The following SLC2A1 variants were observed in gnomAD, a reference collection of about 807,000 sequenced individuals.
SLC2A1 encodes solute carrier family 2 member 1, also known as solute carrier family 2, facilitated glucose transporter member 1.
A neutral mutation model predicts 46.6 loss-of-function variants in SLC2A1; 4 were observed. That is an observed-to-expected ratio of 0.09 (90% CI 0.04 to 0.20). The LOEUF is 0.20. Ranked by LOEUF, SLC2A1 falls within the 10% of genes least tolerant of loss-of-function variation. The probability of loss-of-function intolerance (pLI) is 1.00; values close to 1 mark genes in which losing one functional copy is unlikely to be tolerated. For synonymous variants in SLC2A1, 253 were observed against 270.0 expected (o/e 0.94, Z 0.62); for missense variants, 352 against 667.0 (o/e 0.53, Z 5.20).
chr1:42,951,972 G>A (rs1159062759), intron 1 of SLC2A1: 2 of 405,304 alleles, frequency 4.9e-6, no homozygotes, highest in Non-Finnish European at 4.3e-6. Flanking sequence ...ATCCTTAGAC[G>A]CAGAGTACCC....
In SLC2A1 at chr1:42,930,516, C is replaced by T; in HGVS notation, c.516+110G>A. On this transcript the variant is annotated intron_variant, in intron 4 of 9. Coordinates refer to ENST00000426263, the MANE Select transcript of SLC2A1 (RefSeq NM_006516.4). This position sits in a 1 kb window ranked among gnomAD's most constrained non-coding sequence, Gnocchi z 6.2. ...TGTACCATAGTTGTCCTCTGCAAGG[C>T]TGTGGGGGCTGGGCGGAAGAGAAAC... The T allele has an allele frequency of 1.4e-6, 2 of 1,453,260 alleles. No homozygotes were observed. The highest frequency in any genetic ancestry group is 2.4e-5 in the South Asian group (2 of 82,302). The allele number at this position is 1,453,260 out of a possible 1,614,324, so 90.0% of individuals were successfully genotyped here. A position where few individuals can be genotyped will look rare whatever the true frequency, so the allele number is the denominator to read the frequency against.
rs548440696 is a variant in SLC2A1, at chr1:42,926,875, G to C, written c.*166C>G. ...TTGCTTTTGTTAAAATCCTGGAGCCGTTAAGTCCTGAATATTCTTCTGGAC... is the reference window on the plus strand; with the variant it reads ...TTGCTTTTGTTAAAATCCTGGAGCCCTTAAGTCCTGAATATTCTTCTGGAC... On this transcript the variant is annotated 3_prime_UTR_variant, in exon 10 of 10. Coordinates refer to ENST00000426263, the MANE Select transcript of SLC2A1 (RefSeq NM_006516.4). The C allele has an allele frequency of 6.8e-7, 1 of 1,477,056 alleles. No individual in the cohort carries two copies. Among genetic ancestry groups the C allele is most frequent in the Non-Finnish European group, 8.9e-7 (1 of 1,120,012 alleles). 91.5% of individuals were successfully genotyped at this position (1,477,056 alleles called of 1,614,324 possible). A position where few individuals can be genotyped will look rare whatever the true frequency, so the allele number is the denominator to read the frequency against.
chr1:42,937,149 T>A (rs545001720), intron 2 of SLC2A1, among the ~76,000 whole-genome samples: 87 of 152,344 alleles, frequency 5.7e-4, no homozygotes, highest in African/African-American at 1.8e-3. Flanking sequence ...CTGTGCTTGC[T>A]CGCATTTCCA....
At chr1:42,958,592 G>C in intron 1 of SLC2A1, 42 bp downstream of exon 1, 5 of 1,508,304 alleles carry the variant, frequency 3.3e-6, no homozygotes, top group Admixed American at 4.1e-5. Context: ...AGGAGTCTGC[G>C]CCTTTGTTCC....
At chr1:42,947,713 T>TA (rs3841834) in intron 1 of SLC2A1, among the ~76,000 whole-genome samples, 21,983 of 150,286 alleles carry the variant, frequency 0.15, 1,800 homozygotes, top group South Asian at 0.19. Flanking sequence ...CAGAGTGAGA[T>TA]AAAAAAAAGG....
chr1:42,945,264 T>C (rs1643640398), intron 1 of SLC2A1, among the ~76,000 whole-genome samples: 1 of 152,110 alleles, frequency 6.6e-6, no homozygotes, highest in Admixed American at 6.6e-5. Flanking sequence ...TAAGAAAACG[T>C]GGCATAGTGA....
At chr1:42,955,480 C>T (rs760102028) in intron 1 of SLC2A1, among the ~76,000 whole-genome samples, 11 of 152,256 alleles carry the variant, frequency 7.2e-5, no homozygotes, top group Admixed American at 3.3e-4. Flanking sequence ...CACGGTGACG[C>T]ATGTCTGTGG....
At chr1:42,936,740 C>T (rs1317169423) in intron 2 of SLC2A1, among the ~76,000 whole-genome samples, 1 of 152,178 alleles carries the variant, frequency 6.6e-6, no homozygotes, top group African/African-American at 2.4e-5. Flanking sequence ...AATAAAGTGT[C>T]TCCTCTACCC....
In SLC2A1 at chr1:42,929,462, G is replaced by A. The variant is rs112241451; in HGVS notation, c.867+131C>T. 8.0e-6 allele frequency: 9 copies of A among 1,120,374 alleles called. No individual in the cohort carries two copies. The highest frequency in any genetic ancestry group is 3.1e-5 in the African/African-American group (2 of 65,174). 69.4% of individuals were successfully genotyped at this position (1,120,374 alleles called of 1,614,324 possible). A position where few individuals can be genotyped will look rare whatever the true frequency, so the allele number is the denominator to read the frequency against. ...GGACACTGCACTGCAGTGACCTTACGGGCTTGGGGTCTAAAGGGAAACTTC... is the reference window on the plus strand; with the variant it reads ...GGACACTGCACTGCAGTGACCTTACAGGCTTGGGGTCTAAAGGGAAACTTC... On this transcript the variant is annotated intron_variant, in intron 6 of 9. Coordinates refer to ENST00000426263, the MANE Select transcript of SLC2A1 (RefSeq NM_006516.4). The surrounding 1 kb of genome is among the most constrained non-coding windows in gnomAD (Gnocchi z 6.0).
chr1:42,931,224 G>GCCT lies in SLC2A1; in HGVS notation c.115-21_115-19dup, dbSNP rs1643486430. ...TCGATCACCTGCAGGGGGAGATGCA[G>GCCT]CCTGGGTGAGCAAGCCAGGGGCCAG... On this transcript the variant is annotated intron_variant, in intron 2 of 9. Transcript: ENST00000426263. The GCCT allele has an allele frequency of 6.2e-7, 1 of 1,611,874 alleles. No homozygotes were observed. Among genetic ancestry groups the GCCT allele is most frequent in the Admixed American group, 1.7e-5 (1 of 59,946 alleles).
chr1:42,928,784 A>G, intron 8 of SLC2A1, 148 bp downstream of exon 8: 2 of 776,732 alleles, frequency 2.6e-6, no homozygotes, highest in Non-Finnish European at 4.6e-6. Flanking sequence ...GAAGGAGACA[A>G]CTTCAGGAGC....
chr1:42,930,668 G>A lies in SLC2A1; in HGVS notation c.474C>T (p.Thr158=), dbSNP rs553309025. The change falls in exon 4 of 10, where the codon ACC becomes ACT. Residue 158 remains threonine (T), a synonymous_variant. Transcript: ENST00000426263. The surrounding 1 kb of genome is among the most constrained non-coding windows in gnomAD (Gnocchi z 6.2). Reference sequence around the variant, plus strand: ...CGACGACGATGCCCAGCTGGTGCAGGGTGCCCAGGGCCCCACGAAGGGCTG... The same window carrying A: ...CGACGACGATGCCCAGCTGGTGCAGAGTGCCCAGGGCCCCACGAAGGGCTG... ...SPTALRGALG[T]LHQLGIVVGI... is the part of the protein sequence containing the mutation. The A allele has an allele frequency of 6.2e-7, 1 of 1,612,954 alleles. No individual in the cohort carries two copies. Among genetic ancestry groups the A allele is most frequent in the African/African-American group, 1.3e-5 (1 of 75,008 alleles).
chr1:42,958,070 G>A (rs968843830), intron 1 of SLC2A1, among the ~76,000 whole-genome samples: 1 of 152,206 alleles, frequency 6.6e-6, no homozygotes, highest in Non-Finnish European at 1.5e-5. Context: ...GCGGGGGACT[G>A]GCGGGAGGAG....
At position 42,958,852 on chromosome 1, in the gene SLC2A1, G is replaced by A; in HGVS notation, c.-201C>T. 1.8e-6 allele frequency: 1 copy of A among 567,076 alleles called. No homozygotes were observed. The highest frequency in any genetic ancestry group is 3.0e-4 in the Middle Eastern group (1 of 3,368). The allele number at this position is 567,076 out of a possible 1,614,324, so 35.1% of individuals were successfully genotyped here. A position where few individuals can be genotyped will look rare whatever the true frequency, so the allele number is the denominator to read the frequency against. ...ACTAGCGACCGGCACGCTCGCTGTT[G>A]CTACCTCTTGCCTCTTGCCAGAGAG... On this transcript the variant is annotated 5_prime_UTR_variant, in exon 1 of 10. Coordinates refer to ENST00000426263, the MANE Select transcript of SLC2A1 (RefSeq NM_006516.4).
chr1:42,955,426 T>A, intron 1 of SLC2A1, among the ~76,000 whole-genome samples: 1 of 152,098 alleles, frequency 6.6e-6, no homozygotes, highest in East Asian at 1.9e-4. Flanking sequence ...CTGGGCAACA[T>A]GGCGAAACCC....
chr1:42,935,780 T>C (rs1643537186), intron 2 of SLC2A1, among the ~76,000 whole-genome samples: 1 of 152,112 alleles, frequency 6.6e-6, no homozygotes, highest in South Asian at 2.1e-4. Context: ...GACTTCAGGG[T>C]ATGAGGCTGC....
intron 2 of SLC2A1, chr1:42,942,965 G>A: frequency 1.8e-6 from 1 of 558,250 alleles, no homozygotes; most frequent in South Asian, 2.0e-5. Flanking sequence ...TGACTGAGTT[G>A]GGTGGGGGGT....
At chr1:42,944,016 G>C (rs1239894608) in intron 1 of SLC2A1, among the ~76,000 whole-genome samples, 1 of 152,142 alleles carries the variant, frequency 6.6e-6, no homozygotes, top group Admixed American at 6.5e-5. Flanking sequence ...CAGAGCTCAG[G>C]GCTCCGGACT....
At chr1:42,942,936 C>A (rs549069547) in intron 2 of SLC2A1, 30 of 481,620 alleles carry the variant, frequency 6.2e-5, no homozygotes, top group Middle Eastern at 5.9e-4. Context: ...TTTATTATAT[C>A]ATCAAACATA....
Sources: allele counts gnomAD v4.1 joint callset (sites outside exome capture counted in the v4.1 genomes callset), GRCh38; gene constraint gnomAD v4.1.1; non-coding constraint Gnocchi (gnomAD v3.1); transcripts MANE v1.5; gene names NCBI Gene and HGNC (gene_info 2026-07-23, HGNC 2026-07-21).